Variants in DAAM1 observed in about 807,000 individuals in gnomAD.
DAAM1 encodes the protein dishevelled associated activator of morphogenesis 1, also known as disheveled-associated activator of morphogenesis 1.
In DAAM1, 52 loss-of-function variants were observed where a neutral mutation model predicts 130.0. The observed-to-expected ratio is 0.40, with a 90% CI of 0.32 to 0.50. The LOEUF (loss-of-function observed/expected upper bound fraction) is 0.50, where lower values mean the gene tolerates loss of function less well. Ranked by LOEUF, DAAM1 falls within the 20% of genes least tolerant of loss-of-function variation. DAAM1 has a pLI of 0.61. For synonymous variants in DAAM1, 452 were observed against 444.5 expected, an observed-to-expected ratio of 1.02 and a Z score of -0.21; for missense variants, 1,134 against 1,303.8, an observed-to-expected ratio of 0.87 and a Z score of 2.01.
intron 1 of DAAM1, among the ~76,000 whole-genome samples, chr14:59,232,488 G>A (rs1210818795): frequency 2.6e-5 from 4 of 152,102 alleles, no homozygotes; most frequent in Non-Finnish European, 4.4e-5. Context: ...TATGGTGGCT[G>A]TTCACCAACA....
At chr14:59,330,180 T>G (rs773224871) in intron 12 of DAAM1, among the ~76,000 whole-genome samples, 9 of 152,250 alleles carry the variant, frequency 5.9e-5, no homozygotes, top group Non-Finnish European at 8.8e-5. Context: ...ATGACAAGAT[T>G]CTGAATCAAC....
At chr14:59,320,645 T>G in intron 5 of DAAM1, 61 bp downstream of exon 5, 2 of 1,217,022 alleles carry the variant, frequency 1.6e-6, no homozygotes, top group Non-Finnish European at 2.3e-6. Context: ...TTTTTTGCAA[T>G]AGTCAAACCT....
intron 3 of DAAM1, among the ~76,000 whole-genome samples, chr14:59,292,010 C>A (rs1883758391): frequency 6.6e-6 from 1 of 152,150 alleles, no homozygotes; most frequent in South Asian, 2.1e-4. Flanking sequence ...TCTGTGGCAC[C>A]AGGCATCACT....
chr14:59,259,381 G>T (rs544527234), intron 1 of DAAM1, among the ~76,000 whole-genome samples: 2 of 152,324 alleles, frequency 1.3e-5, no homozygotes, highest in South Asian at 4.1e-4. Context: ...AGCTGGAAAT[G>T]AGCTTTGAAG....
intron 2 of DAAM1, among the ~76,000 whole-genome samples, chr14:59,285,206 A>G (rs1187422661): frequency 6.6e-6 from 1 of 152,188 alleles, no homozygotes; most frequent in Non-Finnish European, 1.5e-5. Context: ...ATCCTGCGAA[A>G]CTAAGCTTCA....
intron 1 of DAAM1, among the ~76,000 whole-genome samples, chr14:59,216,789 C>T (rs1303112588): frequency 3.3e-5 from 5 of 151,832 alleles, no homozygotes; most frequent in Non-Finnish European, 7.4e-5. Context: ...TAGAGTAACA[C>T]TTGATGTGTT....
chr14:59,228,357 T>A (rs1172055568), intron 1 of DAAM1, among the ~76,000 whole-genome samples: 1 of 152,110 alleles, frequency 6.6e-6, no homozygotes, highest in Non-Finnish European at 1.5e-5. Flanking sequence ...TCTCAGAAAA[T>A]TTAGAAATGA....
intron 22 of DAAM1, chr14:59,363,147 G>T (rs1352103368): frequency 6.4e-6 from 1 of 156,834 alleles, no homozygotes; most frequent in African/African-American, 2.4e-5. Flanking sequence ...AGAGAAAAAT[G>T]GTACATTATG....
At chr14:59,266,398 G>A (rs1361356616) in intron 2 of DAAM1, among the ~76,000 whole-genome samples, 3 of 152,196 alleles carry the variant, frequency 2.0e-5, no homozygotes, top group South Asian at 2.1e-4. Flanking sequence ...AAATGAGAGC[G>A]AGGAGCCCGT....
At chr14:59,192,930 G>A (rs1001413952) in intron 1 of DAAM1, among the ~76,000 whole-genome samples, 1 of 152,232 alleles carries the variant, frequency 6.6e-6, no homozygotes, top group African/African-American at 2.4e-5. Context: ...GCGGGTGCCT[G>A]TAGTCCCAGT....
At chr14:59,281,245 G>A (rs7155203) in intron 2 of DAAM1, among the ~76,000 whole-genome samples, 31,384 of 152,034 alleles carry the variant, frequency 0.21, 3,322 homozygotes, top group East Asian at 0.32. Context: ...ACTTATTTCT[G>A]CTCAGAAAGG....
chr14:59,331,629 T>C, intron 14 of DAAM1, 121 bp downstream of exon 14: 1 of 1,507,560 alleles, frequency 6.6e-7, no homozygotes. Flanking sequence ...GGACCAAGAG[T>C]TCTCACTAGC....
At position 59,219,116 on chromosome 14, in the gene DAAM1, G is replaced by A. The variant is rs190524284; in HGVS notation, c.-38+30348G>A. On this transcript the variant is annotated intron_variant, in intron 1 of 24. Coordinates refer to ENST00000360909, the MANE Select transcript of DAAM1 (RefSeq NM_001270520.2). ...CTCAATGCCTTGGGAATGTATACCT[G>A]TGTTCTTTCTAATGTTGGCATTTGG... Among the ~76,000 whole-genome samples the A allele has an allele frequency of 4.6e-5, 7 of 152,244 alleles. No homozygotes were observed. The East Asian group carries it at 1.4e-3, about 29-fold the overall frequency.
intron 4 of DAAM1, among the ~76,000 whole-genome samples, chr14:59,318,278 G>A (rs1884868100): frequency 6.6e-6 from 1 of 151,694 alleles, no homozygotes; most frequent in Non-Finnish European, 1.5e-5. Context: ...ATTCAAACGG[G>A]AGCTAAGTTC....
chr14:59,351,555 G>C (rs894907868), intron 17 of DAAM1, among the ~76,000 whole-genome samples: 3 of 151,980 alleles, frequency 2.0e-5, no homozygotes, highest in African/African-American at 7.3e-5. Context: ...TATACACTCT[G>C]CCTGGAATGT....
chr14:59,243,265 G>T (rs546218863), intron 1 of DAAM1, among the ~76,000 whole-genome samples: 2 of 152,020 alleles, frequency 1.3e-5, no homozygotes, highest in African/African-American at 4.8e-5. Context: ...ACTGCTTTGT[G>T]TAGGTCCAGA....
At position 59,325,740 on chromosome 14, in the gene DAAM1, C is replaced by G; in HGVS notation, c.1056+10C>G. On this transcript the variant is annotated intron_variant, in intron 9 of 24. Transcript: ENST00000360909. ...CAAAAGATTTGAACTGGTACGTATG[C>G]TTACAATTATTCTGGTTTGATTCAT... 6.2e-7 allele frequency: 1 copy of G among 1,613,334 alleles called. No individual in the cohort carries two copies. The highest frequency in any genetic ancestry group is 1.1e-5 in the South Asian group (1 of 91,060).
intron 1 of DAAM1, among the ~76,000 whole-genome samples, chr14:59,239,267 G>A (rs1280234808): frequency 1.3e-5 from 2 of 152,176 alleles, no homozygotes; most frequent in Non-Finnish European, 2.9e-5. Context: ...TATAAAATAA[G>A]TAATCCAACC....
chr14:59,326,631 T>C lies in DAAM1; in HGVS notation c.1296T>C (p.Ile432=). ...CCACACCTTTGGAAAACTTTAATAT[T>C]AAGAATGTCGTACGAATGTAAGTCT... ...PDSTPLENFN[I]KNVVRMLVNE... is the part of the protein sequence containing the mutation. The change falls in exon 11 of 25, where the codon ATT becomes ATC. Residue 432 remains isoleucine, a synonymous_variant. Coordinates refer to ENST00000360909, the MANE Select transcript of DAAM1 (RefSeq NM_001270520.2). The C allele has an allele frequency of 6.2e-7, 1 of 1,612,808 alleles. No homozygotes were observed. The highest frequency in any genetic ancestry group is 8.5e-7 in the Non-Finnish European group (1 of 1,179,652).
Sources: allele counts gnomAD v4.1 joint callset (sites outside exome capture counted in the v4.1 genomes callset), GRCh38; gene constraint gnomAD v4.1.1; transcripts MANE v1.5; gene names NCBI Gene and HGNC (gene_info 2026-07-23, HGNC 2026-07-21).